The following FGGY variants were observed in gnomAD, a reference collection of about 807,000 sequenced individuals.
FGGY encodes the protein FGGY carbohydrate kinase domain-containing protein.
Under a neutral mutation model 71.3 loss-of-function variants are expected in FGGY, and 72 were observed. That is an observed-to-expected ratio of 1.01 (90% CI 0.84 to 1.23). FGGY has a LOEUF of 1.23. Among genes scored for constraint, FGGY ranks in the 50% most tolerant of loss-of-function variants. The probability of loss-of-function intolerance (pLI) is 0.00; values close to 1 mark genes in which losing one functional copy is unlikely to be tolerated. For missense variants in FGGY, 668 were observed against 682.3 expected (o/e 0.98, Z 0.23); for synonymous variants, 251 against 250.3 (o/e 1.00, Z -0.02).
At chr1:59,742,732 C>G (rs75292095) in intron 14 of FGGY, among the ~76,000 whole-genome samples, 7,292 of 152,304 alleles carry the variant, frequency 0.048, 271 homozygotes, top group Admixed American at 0.095. Flanking sequence ...TGTCCTTACT[C>G]ACTCCTGGCA....
At chr1:59,311,241 AT>A (rs879455696) in intron 1 of FGGY, among the ~76,000 whole-genome samples, 2,885 of 146,092 alleles carry the variant, frequency 0.02, 85 homozygotes, top group African/African-American at 0.065. Context: ...CAAACCTGAA[AT>A]TTTTTTTTTT....
chr1:59,440,998 T>A (rs2153477204), intron 5 of FGGY, among the ~76,000 whole-genome samples: 1 of 152,148 alleles, frequency 6.6e-6, no homozygotes, highest in South Asian at 2.1e-4. Flanking sequence ...ACGTTTTGCG[T>A]TTTTCTCTGG....
intron 8 of FGGY, among the ~76,000 whole-genome samples, chr1:59,562,343 A>G (rs2095804772): frequency 6.6e-6 from 1 of 152,260 alleles, no homozygotes; most frequent in Non-Finnish European, 1.5e-5. Context: ...GATTAATCAC[A>G]CAAAATAATT....
chr1:59,758,017 C>T, intron 15 of FGGY, 25 bp downstream of exon 15: 1 of 1,559,114 alleles, frequency 6.4e-7, no homozygotes, highest in Non-Finnish European at 8.8e-7. Flanking sequence ...TTTATATGTA[C>T]AGTGCTAAGG....
intron 7 of FGGY, among the ~76,000 whole-genome samples, chr1:59,539,089 G>T (rs2095396495): frequency 6.6e-6 from 1 of 152,114 alleles, no homozygotes; most frequent in South Asian, 2.1e-4. Context: ...AGACATCTAT[G>T]CAGAAAGGTA....
At chr1:59,656,542 A>C (rs1338927985) in intron 11 of FGGY, among the ~76,000 whole-genome samples, 4 of 152,336 alleles carry the variant, frequency 2.6e-5, no homozygotes, top group South Asian at 2.1e-4. Context: ...GATCATCTGC[A>C]TATCAGATGA....
intron 5 of FGGY, among the ~76,000 whole-genome samples, chr1:59,422,994 A>G (rs932379197): frequency 1.3e-5 from 2 of 152,172 alleles, no homozygotes; most frequent in African/African-American, 4.8e-5. Context: ...ACGTGGCAGC[A>G]GGGGTGTTTG....
intron 5 of FGGY, among the ~76,000 whole-genome samples, chr1:59,449,049 G>T (rs2072007528): frequency 6.6e-6 from 1 of 152,140 alleles, no homozygotes; most frequent in Non-Finnish European, 1.5e-5. Flanking sequence ...TACAGTTTTT[G>T]CATTACATGT....
At chr1:59,527,186 G>A (rs1263266831) in intron 7 of FGGY, among the ~76,000 whole-genome samples, 1 of 152,190 alleles carries the variant, frequency 6.6e-6, no homozygotes, top group Non-Finnish European at 1.5e-5. Flanking sequence ...TTCCATTAAA[G>A]TAGTAAAAAG....
In FGGY at chr1:59,546,054, T is replaced by G. The variant is rs151002276; in HGVS notation, c.800-8070T>G. Among the ~76,000 whole-genome samples, 489 of 151,800 alleles carry G rather than the reference T, an allele frequency of 3.2e-3. 1 individual carries two copies. Among genetic ancestry groups the G allele is most frequent in the Admixed American group, 8.2e-3 (126 of 15,290 alleles). Reference sequence around the variant, plus strand: ...AACTCTGGCAAAGCACACACCGTGCTGAAATCAAATGAACTGTTATGCCAA... The same window carrying G: ...AACTCTGGCAAAGCACACACCGTGCGGAAATCAAATGAACTGTTATGCCAA... On this transcript the variant is annotated intron_variant, in intron 7 of 15. Transcript: ENST00000303721.
intron 5 of FGGY, among the ~76,000 whole-genome samples, chr1:59,439,802 A>G (rs751370788): frequency 7.9e-5 from 12 of 152,094 alleles, no homozygotes; most frequent in Non-Finnish European, 1.5e-4. Flanking sequence ...TTTTTGTTCT[A>G]TATTTCCAAA....
chr1:59,346,184 G>T, intron 3 of FGGY, 63 bp from the exon 4 acceptor site: 1 of 1,585,662 alleles, frequency 6.3e-7, no homozygotes, highest in Non-Finnish European at 8.6e-7. Flanking sequence ...ATCCATAATT[G>T]TTCCCTTGAA....
rs2094470938 is a variant in FGGY, at chr1:59,509,571, C to T, written c.671-2740C>T. Among the ~76,000 whole-genome samples the T allele has an allele frequency of 2.0e-5, 3 of 152,148 alleles. No homozygotes were observed. In the South Asian group the frequency reaches 6.2e-4, roughly 32 times the overall value. ...AACACCCACCCCCTACCAGTTCACA[C>T]CCCAGCCTATGTTCCAATTTACCTA... On this transcript the variant is annotated intron_variant, in intron 6 of 15. Coordinates refer to ENST00000303721, the MANE Select transcript of FGGY (RefSeq NM_018291.5).
rs556020375 is a variant in FGGY, at chr1:59,336,616, G to T, written c.202-3342G>T. On this transcript the variant is annotated intron_variant, in intron 2 of 15. Transcript: ENST00000303721. ...AGGTTTTAAGCCCCACATGCATTAGGTATTTGTCCAATGCTCTCCCTCCCC... is the reference window on the plus strand; with the variant it reads ...AGGTTTTAAGCCCCACATGCATTAGTTATTTGTCCAATGCTCTCCCTCCCC... 2.7e-3 allele frequency among the ~76,000 whole-genome samples: 406 copies of T among 151,938 alleles called. 3 individuals are homozygous for T. Among genetic ancestry groups the T allele is most frequent in the African/African-American group, 8.9e-3 (368 of 41,418 alleles).
intron 14 of FGGY, among the ~76,000 whole-genome samples, chr1:59,693,742 C>T (rs1209469007): frequency 1.3e-5 from 2 of 152,104 alleles, no homozygotes; most frequent in African/African-American, 2.4e-5. Flanking sequence ...CTCGGTGGCT[C>T]ACACCTGTAA....
At chr1:59,359,496 CTCT>C (rs996311751) in intron 4 of FGGY, among the ~76,000 whole-genome samples, 3 of 152,246 alleles carry the variant, frequency 2.0e-5, no homozygotes, top group African/African-American at 7.2e-5. Context: ...TGACTTTGTC[CTCT>C]TCTTTGCATT....
intron 14 of FGGY, among the ~76,000 whole-genome samples, chr1:59,730,709 A>G (rs1020041244): frequency 2.1e-4 from 32 of 152,202 alleles, no homozygotes; most frequent in Non-Finnish European, 3.4e-4. Context: ...GTTTTAAAGC[A>G]CTGAGGACAC....
At chr1:59,402,456 G>A (rs562094091) in intron 5 of FGGY, among the ~76,000 whole-genome samples, 1 of 152,316 alleles carries the variant, frequency 6.6e-6, no homozygotes, top group Non-Finnish European at 1.5e-5. Flanking sequence ...TCAGCAGTGT[G>A]ATAGTAGGCG....
chr1:59,579,374 A>G (rs919294589), intron 8 of FGGY, among the ~76,000 whole-genome samples: 1 of 152,100 alleles, frequency 6.6e-6, no homozygotes, highest in Non-Finnish European at 1.5e-5. Flanking sequence ...ACCTCCAAAC[A>G]TATATCTCCA....
Sources: allele counts gnomAD v4.1 joint callset (sites outside exome capture counted in the v4.1 genomes callset), GRCh38; gene constraint gnomAD v4.1.1; transcripts MANE v1.5; gene names NCBI Gene and HGNC (gene_info 2026-07-23, HGNC 2026-07-21).